SLC4A4: variants seen among roughly 807,000 people sequenced by gnomAD.
SLC4A4 encodes electrogenic sodium bicarbonate cotransporter 1.
Under a neutral mutation model 111.5 loss-of-function variants are expected in SLC4A4, and 27 were observed. The observed-to-expected ratio is 0.24, with a 90% CI of 0.18 to 0.33. The LOEUF is 0.33. Among genes scored for constraint, SLC4A4 ranks in the 10% least tolerant of loss-of-function variants. SLC4A4 has a pLI of 1.00. For synonymous variants in SLC4A4, 443 were observed against 463.4 expected, an observed-to-expected ratio of 0.96 and a Z score of 0.57; for missense variants, 909 against 1,315.5, an observed-to-expected ratio of 0.69 and a Z score of 4.78.
chr4:71,456,206 T>C (rs1560524479), intron 12 of SLC4A4, among the ~76,000 whole-genome samples: 3 of 152,160 alleles, frequency 2.0e-5, no homozygotes. Context: ...TGTTTGAAAA[T>C]ACTGAAGAAC....
chr4:71,097,491 G>C (rs1742593073), intron 2 of SLC4A4, among the ~76,000 whole-genome samples: 1 of 152,170 alleles, frequency 6.6e-6, no homozygotes, highest in Non-Finnish European at 1.5e-5. Context: ...ACATTTGCAT[G>C]TGTGTGTCTT....
At chr4:71,478,126 G>A (rs1490322779) in intron 14 of SLC4A4, among the ~76,000 whole-genome samples, 1 of 151,974 alleles carries the variant, frequency 6.6e-6, no homozygotes, top group East Asian at 1.9e-4. Flanking sequence ...TGCTGGAGAG[G>A]ATGTGGAGAA....
intron 18 of SLC4A4, among the ~76,000 whole-genome samples, chr4:71,538,987 G>A (rs944849873): frequency 1.3e-4 from 20 of 152,018 alleles, no homozygotes; most frequent in Non-Finnish European, 2.1e-4. Flanking sequence ...AGGTGATTTC[G>A]AGAGTGTTAT....
rs961772044 is a variant in SLC4A4 at position 71,236,734 on chromosome 4, C to A, written c.73+85C>A. The A allele has an allele frequency of 4.3e-6, 5 of 1,163,422 alleles. No homozygotes were observed. In the African/African-American group the frequency reaches 6.1e-5, roughly 14 times the overall value. The allele number at this position is 1,163,422 out of a possible 1,614,324, so 72.1% of individuals were successfully genotyped here. A position where few individuals can be genotyped will look rare whatever the true frequency, so the allele number is the denominator to read the frequency against. ...ACATTCATGCATTTCATATATCTTA[C>A]ATTTTTAAAATGAAACACCAAACCT... On this transcript the variant is annotated intron_variant, in intron 2 of 25. Coordinates refer to ENST00000264485, the MANE Select transcript of SLC4A4 (RefSeq NM_001098484.3).
intron 2 of SLC4A4, among the ~76,000 whole-genome samples, chr4:71,239,506 C>G (rs1439680583): frequency 6.6e-6 from 1 of 152,094 alleles, no homozygotes; most frequent in African/African-American, 2.4e-5. Flanking sequence ...TCAAACCACG[C>G]CCTCAGTTCA....
chr4:71,101,523 A>G (rs1325302072), intron 2 of SLC4A4, among the ~76,000 whole-genome samples: 1 of 152,162 alleles, frequency 6.6e-6, no homozygotes, highest in East Asian at 1.9e-4. Context: ...CTTTGATTTA[A>G]AGTCTATTTG....
chr4:71,262,646 T>C (rs903614781), intron 3 of SLC4A4, among the ~76,000 whole-genome samples: 4 of 152,194 alleles, frequency 2.6e-5, no homozygotes, highest in Non-Finnish European at 4.4e-5. Context: ...ATTTGGAATT[T>C]CAGCGTTAAG....
chr4:71,165,854 C>T (rs971002838), intron 2 of SLC4A4, among the ~76,000 whole-genome samples: 2 of 151,454 alleles, frequency 1.3e-5, no homozygotes, highest in South Asian at 2.1e-4. Context: ...ATGCTAGGTG[C>T]GTTAGTTTAC....
At chr4:71,350,726 A>G (rs1729754616) in intron 5 of SLC4A4, among the ~76,000 whole-genome samples, 1 of 152,228 alleles carries the variant, frequency 6.6e-6, no homozygotes, top group Non-Finnish European at 1.5e-5. Flanking sequence ...GATGTCATAG[A>G]TAAGCCTTTT....
chr4:71,464,528 A>G (rs1379084476), intron 12 of SLC4A4, among the ~76,000 whole-genome samples: 2 of 152,188 alleles, frequency 1.3e-5, no homozygotes, highest in Non-Finnish European at 2.9e-5. Context: ...ACCTACATCC[A>G]TGTAAATGGA....
intron 1 of SLC4A4, among the ~76,000 whole-genome samples, chr4:71,064,258 A>T (rs1255912133): frequency 6.6e-6 from 1 of 152,182 alleles, no homozygotes; most frequent in Admixed American, 6.5e-5. Flanking sequence ...TTCATCAGGG[A>T]CAATTTTTAG....
chr4:71,285,577 A>G (rs1184131539), intron 3 of SLC4A4, among the ~76,000 whole-genome samples: 1 of 152,206 alleles, frequency 6.6e-6, no homozygotes, highest in Admixed American at 6.5e-5. Flanking sequence ...GGCACAGGCA[A>G]GTGGGCAAGT....
At chr4:71,426,352 A>G (rs1723133565) in intron 7 of SLC4A4, among the ~76,000 whole-genome samples, 1 of 152,090 alleles carries the variant, frequency 6.6e-6, no homozygotes. Context: ...TTTAGTTTAC[A>G]CTTGATACTC....
intron 16 of SLC4A4, among the ~76,000 whole-genome samples, chr4:71,518,656 C>A (rs565896896): frequency 6.6e-6 from 1 of 152,044 alleles, no homozygotes; most frequent in African/African-American, 2.4e-5. Flanking sequence ...AGAGTCTGGC[C>A]TGGTGCTGGG....
intron 3 of SLC4A4, among the ~76,000 whole-genome samples, chr4:71,324,132 G>A (rs977813845): frequency 6.6e-6 from 1 of 151,916 alleles, no homozygotes; most frequent in East Asian, 1.9e-4. Context: ...TGCAGATGGC[G>A]CAATTGGGTG....
rs1737731659 is a variant in SLC4A4, at chr4:71,569,011, C to T, written c.*1260C>T. ...CAATGTCCTATGCAGTATTGTTAGACATTTTCTCATTTTGAAATATTTGTG... is the reference window on the plus strand; with the variant it reads ...CAATGTCCTATGCAGTATTGTTAGATATTTTCTCATTTTGAAATATTTGTG... On this transcript the variant is annotated 3_prime_UTR_variant, in exon 26 of 26. Coordinates refer to ENST00000264485, the MANE Select transcript of SLC4A4 (RefSeq NM_001098484.3). 6.6e-6 allele frequency: 1 copy of T among 151,674 alleles called. No individual in the cohort carries two copies. Among genetic ancestry groups the T allele is most frequent in the South Asian group, 2.1e-4 (1 of 4,826 alleles). The allele number at this position is 151,674 out of a possible 1,614,324, so 9.4% of individuals were successfully genotyped here. A position where few individuals can be genotyped will look rare whatever the true frequency, so the allele number is the denominator to read the frequency against.
chr4:71,104,947 A>G (rs1742865530), intron 2 of SLC4A4, among the ~76,000 whole-genome samples: 1 of 7,418 alleles, frequency 1.3e-4, no homozygotes, highest in African/African-American at 2.7e-4. Context: ...AGAAGGAAAT[A>G]AAGGGTATTC....
chr4:71,333,849 A>G (rs1728210453), intron 3 of SLC4A4, among the ~76,000 whole-genome samples: 1 of 144,902 alleles, frequency 6.9e-6, no homozygotes, highest in Admixed American at 6.9e-5. Context: ...TCAAGGCTCA[A>G]GCTGGCTATT....
At chr4:71,089,743 A>AT (rs1742320231) in intron 1 of SLC4A4, among the ~76,000 whole-genome samples, 3 of 151,834 alleles carry the variant, frequency 2.0e-5, no homozygotes, top group Admixed American at 2.0e-4. Context: ...TTGCTGCCTG[A>AT]TCGTTCGTCT....
Sources: gnomAD v4.1 joint callset for allele counts (sites outside exome capture counted in the v4.1 genomes callset) on GRCh38, gnomAD v4.1.1 for gene constraint, MANE v1.5 for transcripts, NCBI Gene and HGNC (gene_info 2026-07-23, HGNC 2026-07-21) for gene names.